The following MKI67 variants were observed in gnomAD, a reference collection of about 807,000 sequenced individuals.
MKI67 encodes the protein marker of proliferation Ki-67.
MKI67 carries 152 observed loss-of-function variants against 233.5 expected under a neutral mutation model. That is an observed-to-expected ratio of 0.65 (90% confidence interval 0.57 to 0.74). The LOEUF (loss-of-function observed/expected upper bound fraction) is 0.74. Ranked by LOEUF, MKI67 falls within the 30% of genes least tolerant of loss-of-function variation. The pLI is 0.00. For synonymous variants in MKI67, 1,465 were observed against 1,418.5 expected, an observed-to-expected ratio of 1.03 and a Z score of -0.74; for missense variants, 3,940 against 3,885.2, an observed-to-expected ratio of 1.01 and a Z score of -0.37.
rs1215248698 is a variant in MKI67 at position 128,107,458 on chromosome 10, G to A, written c.4382C>T (p.Ala1461Val). The A allele has an allele frequency of 3.7e-6, 6 of 1,614,110 alleles. No homozygotes were observed. The highest frequency in any genetic ancestry group is 5.1e-6 in the Non-Finnish European group (6 of 1,180,020). ...GCCAGCCAGGTCTTCTAGGGGTTGG[G>A]CCTTTTCCTTAGTTTTTGGGTGCCT... Reference protein sequence around the residue: ...SKRHPKTKEKAQPLEDLAGLK... With the variant: ...SKRHPKTKEKVQPLEDLAGLK... The change falls in exon 13 of 15, where the codon GCC becomes GTC. Residue 1461 changes from alanine (A) to valine (V), a missense_variant. Physicochemically the swap from Ala to Val is moderately conservative, Grantham distance 64. Transcript: ENST00000368654.
chr10:128,121,010 A>G (rs954215357), intron 4 of MKI67, among the ~76,000 whole-genome samples: 1 of 152,142 alleles, frequency 6.6e-6, no homozygotes, highest in Non-Finnish European at 1.5e-5. Flanking sequence ...AAGGGGGTGG[A>G]AAAGTTATAC....
rs185128565 is a variant in MKI67, at chr10:128,098,395, C to T, written c.*795G>A. 5.3e-5 allele frequency: 8 copies of T among 152,234 alleles called. No individual in the cohort carries two copies. Among genetic ancestry groups the T allele is most frequent in the Admixed American group, 2.0e-4 (3 of 15,278 alleles). The allele number at this position is 152,234 out of a possible 1,614,324, so 9.4% of individuals were successfully genotyped here. ...GGCGGGAGCAGAGCCAGTAAACTTC[C>T]GAAGCTTTCAATGACAGGAAAGCTG... On this transcript the variant is annotated 3_prime_UTR_variant, in exon 15 of 15. Coordinates refer to ENST00000368654, the MANE Select transcript of MKI67 (RefSeq NM_002417.5).
intron 5 of MKI67, among the ~76,000 whole-genome samples, chr10:128,118,860 G>T (rs1306005843): frequency 6.6e-6 from 1 of 152,162 alleles, no homozygotes; most frequent in African/African-American, 2.4e-5. Flanking sequence ...TTTTCATAAT[G>T]TGATTATTTC....
At chr10:128,114,301 G>T (rs1349609926) in intron 7 of MKI67, among the ~76,000 whole-genome samples, 2 of 152,282 alleles carry the variant, frequency 1.3e-5, no homozygotes, top group East Asian at 3.9e-4. Flanking sequence ...CTGCTATAAA[G>T]GTCCTACCTC....
chr10:128,122,923 A>C lies in MKI67; in HGVS notation c.245T>G (p.Leu82Arg). Residue 82 changes from leucine (L) to arginine (R), a missense_variant, in exon 4 of 15, where the codon CTA (leucine) becomes CGA (arginine). Transcript: ENST00000368654. ...AATAGTTATTACATCTCCATGTTTTAGCCGTACAGGCTCATCAATAACAGA... is the reference window on the plus strand; with the variant it reads ...AATAGTTATTACATCTCCATGTTTTCGCCGTACAGGCTCATCAATAACAGA... ...NGSVIDEPVR[L>R]KHGDVITIID... 6.3e-7 allele frequency: 1 copy of C among 1,598,904 alleles called. No individual in the cohort carries two copies. Among genetic ancestry groups the C allele is most frequent in the Non-Finnish European group, 8.6e-7 (1 of 1,169,140 alleles).
At position 128,103,645 on chromosome 10, in the gene MKI67, T is replaced by G. The variant is rs761016724; in HGVS notation, c.8195A>C (p.Gln2732Pro). The change falls in exon 13 of 15, where the codon CAA becomes CCA. Residue 2732 changes from glutamine (Q) to proline (P), a missense_variant. Transcript: ENST00000368654. The part of the protein sequence containing the change: ...RHLRTRVQKV[Q>P]VKEEPSAVKF... ...GACTGCTGAAGGCTCTTCTTTTACT[T>G]GTACCTTCTGCACACGTGTCCTGAG... is the stretch of plus-strand genomic sequence containing the variant. The G allele has an allele frequency of 6.2e-7, 1 of 1,614,044 alleles. No individual in the cohort carries two copies. The highest frequency in any genetic ancestry group is 8.5e-7 in the Non-Finnish European group (1 of 1,180,040).
At position 128,107,790 on chromosome 10, in the gene MKI67, T is replaced by C. The variant is rs930872397; in HGVS notation, c.4050A>G (p.Lys1350=). Residue 1350 remains lysine (K), a synonymous_variant, in exon 13 of 15, where the codon AAA becomes AAG. Transcript: ENST00000368654. ...TATGACCAGGGGTCTGGAAGAGCTCTTTAAAGCCAGTCAGGTCTTCCAGAG... is the reference window on the plus strand; with the variant it reads ...TATGACCAGGGGTCTGGAAGAGCTCCTTAAAGCCAGTCAGGTCTTCCAGAG... ...AQALEDLTGF[K]ELFQTPGHTE... is the part of the protein sequence containing the mutation. The C allele has an allele frequency of 1.1e-5, 18 of 1,613,946 alleles. No individual in the cohort carries two copies. Among genetic ancestry groups the C allele is most frequent in the African/African-American group, 5.3e-5 (4 of 74,872 alleles).
intron 2 of MKI67, among the ~76,000 whole-genome samples, chr10:128,123,808 A>C (rs77780269): frequency 7.1e-6 from 1 of 139,976 alleles, no homozygotes; most frequent in Non-Finnish European, 1.6e-5. Flanking sequence ...CAAGCGACAC[A>C]AAAAAAAAAT....
chr10:128,117,311 T>C (rs1011372627), intron 5 of MKI67, among the ~76,000 whole-genome samples: 2 of 152,230 alleles, frequency 1.3e-5, no homozygotes, highest in African/African-American at 4.8e-5. Flanking sequence ...GTGCGCCCTC[T>C]TGGCTGGTGG....
rs147401496 is a variant in MKI67, at chr10:128,109,100, G to A, written c.2740C>T (p.Leu914=). The A allele has an allele frequency of 1.6e-5, 26 of 1,613,912 alleles. No individual in the cohort carries two copies. The African/African-American group carries it at 3.3e-4, about 21-fold the overall frequency. Residue 914 remains leucine, a synonymous_variant, in exon 13 of 15, where the codon CTA becomes TTA. Transcript: ENST00000368654. The part of the protein sequence containing the change: ...ILKRGQKATL[L]QQRREGEMKE... ...ATCTCTCCTTCTCTCCTTTGTTGTA[G>A]TAGTGTTGCCTTCTGACCTCTTTTT...
intron 14 of MKI67, among the ~76,000 whole-genome samples, 196 bp from the exon 15 acceptor site, chr10:128,099,451 T>C (rs1852285843): frequency 6.6e-6 from 1 of 152,250 alleles, no homozygotes; most frequent in Non-Finnish European, 1.5e-5. Context: ...ACTGCTTTTA[T>C]TATGCAGTTT....
Position 128,125,559 on chromosome 10 carries a change from G to A in MKI67, c.92+17C>T. On this transcript the variant is annotated intron_variant, in intron 2 of 14. Coordinates refer to ENST00000368654, the MANE Select transcript of MKI67 (RefSeq NM_002417.5). The surrounding 1 kb of genome is among the most constrained non-coding windows in gnomAD (Gnocchi z 5.3). ...TCTTTCTCAGCTAAAACGTCCGCGC[G>A]CGCCCGCGGGGCTCACCTTCCAAAC... 1 of 1,606,800 alleles carries A rather than the reference G, an allele frequency of 6.2e-7. No homozygotes were observed. The highest frequency in any genetic ancestry group is 8.5e-7 in the Non-Finnish European group (1 of 1,174,706).
chr10:128,107,235 G>C lies in MKI67; in HGVS notation c.4605C>G (p.Gly1535=), dbSNP rs760340498. The C allele has an allele frequency of 6.2e-7, 1 of 1,614,150 alleles. No individual in the cohort carries two copies. The highest frequency in any genetic ancestry group is 1.1e-5 in the South Asian group (1 of 91,084). Residue 1535 remains glycine, a synonymous_variant, in exon 13 of 15, where the codon GGC becomes GGG. Transcript: ENST00000368654. ...CTGGTTTGGGTGTGTGCATGGCTTT[G>C]CCTGCTGATGGTGTTCGTTTCCTGA... ...FALRKRTPSA[G]KAMHTPKPAV...
Position 128,103,688 on chromosome 10 carries a change from CTGTGGTGTCTA to C in MKI67, c.8141_8151del (p.Val2714GlyfsTer42), listed in dbSNP as rs1852400614. ...GTCCTGAGATGCCTCTTTGTGCTTGCTGTGGTGTCTACCACTTCTAGTGGGGGAGATTCGCA... is the reference window on the plus strand; with the variant it reads ...GTCCTGAGATGCCTCTTTGTGCTTGCCCACTTCTAGTGGGGGAGATTCGCA... On this transcript the variant is annotated frameshift_variant, in exon 13 of 15. Coordinates refer to ENST00000368654, the MANE Select transcript of MKI67 (RefSeq NM_002417.5). LOFTEE classifies it high-confidence loss of function. 6.2e-7 allele frequency: 1 copy of C among 1,613,968 alleles called. No homozygotes were observed. Among genetic ancestry groups the C allele is most frequent in the Non-Finnish European group, 8.5e-7 (1 of 1,180,026 alleles).
rs1168438968 is a variant in MKI67, at chr10:128,103,949, G to A, written c.7891C>T (p.His2631Tyr). The A allele has an allele frequency of 6.2e-7, 1 of 1,613,906 alleles. No homozygotes were observed. The highest frequency in any genetic ancestry group is 8.5e-7 in the Non-Finnish European group (1 of 1,180,020). The stretch of plus-strand genomic sequence containing the variant: ...CCGCTTGCTGGTTCTTTGTGTGTGT[G>A]TGTGCTTTGCCCTGATGTTTGCGTG... ...RLTQTSGQST[H>Y]THKEPASGDE... Residue 2631 changes from histidine to tyrosine, a missense_variant, in exon 13 of 15, where the codon CAC becomes TAC. Physicochemically the swap from His to Tyr is moderately conservative, Grantham distance 83 (BLOSUM62 2). Transcript: ENST00000368654.
In MKI67 at chr10:128,113,508, C is replaced by T. The variant is rs566727596; in HGVS notation, c.1575G>A (p.Thr525=). ...TTGGGGCTTCTCCCCTTTTGAGAGG[C>T]GTATTAGGAGGCAAGTTTTCATCAA... ...ELFDENLPPN[T]PLKRGEAPTK... The change falls in exon 8 of 15, where the codon ACG becomes ACA. Residue 525 remains threonine (T), a synonymous_variant. Coordinates refer to ENST00000368654, the MANE Select transcript of MKI67 (RefSeq NM_002417.5). 1.8e-5 allele frequency: 29 copies of T among 1,614,070 alleles called. No individual in the cohort carries two copies. The highest frequency in any genetic ancestry group is 1.4e-4 in the South Asian group (13 of 91,072).
intron 5 of MKI67, among the ~76,000 whole-genome samples, chr10:128,116,742 A>G (rs191019695): frequency 1.3e-5 from 2 of 152,296 alleles, no homozygotes; most frequent in East Asian, 3.9e-4. Flanking sequence ...CCTCATCTCT[A>G]CTGCAAATAC....
At chr10:128,101,073 C>T (rs1169792075) in intron 14 of MKI67, among the ~76,000 whole-genome samples, 185 bp downstream of exon 14, 1 of 152,188 alleles carries the variant, frequency 6.6e-6, no homozygotes, top group Non-Finnish European at 1.5e-5. Context: ...CCAAAGTAGA[C>T]ACAACAAAAT....
In MKI67 at chr10:128,107,264, C is replaced by G; in HGVS notation, c.4576G>C (p.Ala1526Pro). ...GCTGATGGTGTTCGTTTCCTGAGTG[C>G]GAAGAATTCTTCTTCTACGTCCACT... ...RKVDVEEEFF[A>P]LRKRTPSAGK... The change falls in exon 13 of 15, where the codon GCA becomes CCA. Residue 1526 changes from alanine to proline, a missense_variant. Transcript: ENST00000368654. 1 of 1,614,054 alleles carries G rather than the reference C, an allele frequency of 6.2e-7. No homozygotes were observed. The highest frequency in any genetic ancestry group is 8.5e-7 in the Non-Finnish European group (1 of 1,180,018).
Sources: gnomAD v4.1 joint callset for allele counts (sites outside exome capture counted in the v4.1 genomes callset) on GRCh38, gnomAD v4.1.1 for gene constraint, Gnocchi (gnomAD v3.1) non-coding constraint, MANE v1.5 for transcripts, NCBI Gene and HGNC (gene_info 2026-07-23, HGNC 2026-07-21) for gene names.